Variants in KCND2 observed in about 807,000 individuals in gnomAD.
KCND2 encodes the protein potassium voltage-gated channel subfamily D member 2.
Under a neutral mutation model 54.4 loss-of-function variants are expected in KCND2, and 16 were observed. The observed-to-expected ratio is 0.29, with a 90% confidence interval of 0.20 to 0.45. The LOEUF (loss-of-function observed/expected upper bound fraction) is 0.45, where lower values mean the gene tolerates loss of function less well. KCND2 is among the 20% of genes least tolerant of loss of function. KCND2 has a pLI of 1.00. For missense variants in KCND2, 486 were observed against 824.2 expected, an observed-to-expected ratio of 0.59 and a Z score of 5.02; for synonymous variants, 317 against 310.7, an observed-to-expected ratio of 1.02 and a Z score of -0.21.
At chr7:120,540,476 C>A (rs1422030201) in intron 1 of KCND2, among the ~76,000 whole-genome samples, 1 of 152,074 alleles carries the variant, frequency 6.6e-6, no homozygotes, top group South Asian at 2.1e-4. Context: ...TTCATCATAC[C>A]TTGTTGATAC....
chr7:120,310,175 C>T (rs1354831230), intron 1 of KCND2, among the ~76,000 whole-genome samples: 2 of 152,082 alleles, frequency 1.3e-5, no homozygotes, highest in Non-Finnish European at 2.9e-5. Context: ...ACGTTAGTAA[C>T]ACACAATGTT....
chr7:120,315,998 C>T (rs975872737), intron 1 of KCND2, among the ~76,000 whole-genome samples: 5 of 151,882 alleles, frequency 3.3e-5, no homozygotes, highest in African/African-American at 9.7e-5. Context: ...GGAAAGTATA[C>T]AAAAACAAAT....
chr7:120,624,524 T>C (rs1793141078), intron 1 of KCND2, among the ~76,000 whole-genome samples: 1 of 152,178 alleles, frequency 6.6e-6, no homozygotes, highest in South Asian at 2.1e-4. Context: ...CTCAAACTTA[T>C]AATCTCAGCA....
At chr7:120,365,929 G>T (rs1800671476) in intron 1 of KCND2, among the ~76,000 whole-genome samples, 2 of 152,154 alleles carry the variant, frequency 1.3e-5, no homozygotes, top group Admixed American at 1.3e-4. Flanking sequence ...ATATTTAATA[G>T]ACATTTAAAA....
At chr7:120,685,205 A>G (rs974986119) in intron 1 of KCND2, among the ~76,000 whole-genome samples, 1 of 152,192 alleles carries the variant, frequency 6.6e-6, no homozygotes, top group East Asian at 1.9e-4. Context: ...AACTCTGTAC[A>G]TGCCTAAAAC....
intron 1 of KCND2, 78 bp from the exon 2 acceptor site, chr7:120,732,825 G>A (rs1296707878): frequency 8.1e-7 from 1 of 1,241,980 alleles, no homozygotes; most frequent in Non-Finnish European, 1.2e-6. Flanking sequence ...TTGACTTAAA[G>A]GAAAAAATTC....
chr7:120,535,263 A>G (rs1414991622), intron 1 of KCND2, among the ~76,000 whole-genome samples: 1 of 152,188 alleles, frequency 6.6e-6, no homozygotes, highest in African/African-American at 2.4e-5. Flanking sequence ...TTCAGAACGT[A>G]AGTTTATTCT....
At chr7:120,543,970 A>C (rs1241772386) in intron 1 of KCND2, among the ~76,000 whole-genome samples, 1 of 151,950 alleles carries the variant, frequency 6.6e-6, no homozygotes, top group East Asian at 1.9e-4. Flanking sequence ...ACTAGTCTGG[A>C]AAGTTGTGAG....
At chr7:120,544,420 A>G (rs1792018792) in intron 1 of KCND2, among the ~76,000 whole-genome samples, 1 of 151,976 alleles carries the variant, frequency 6.6e-6, no homozygotes, top group Non-Finnish European at 1.5e-5. Flanking sequence ...ATGGAGTTAT[A>G]AGAAGTACTA....
At chr7:120,289,089 G>C (rs1460641742) in intron 1 of KCND2, among the ~76,000 whole-genome samples, 3 of 149,342 alleles carry the variant, frequency 2.0e-5, no homozygotes, top group African/African-American at 7.5e-5. Flanking sequence ...GAGAGAGAGA[G>C]AGAGACTAGG....
chr7:120,475,489 T>A (rs17787887), intron 1 of KCND2, among the ~76,000 whole-genome samples: 6,133 of 152,110 alleles, frequency 0.04, 191 homozygotes, highest in Non-Finnish European at 0.063. Flanking sequence ...CATCAAGGCA[T>A]TTTTTTTATT....
At chr7:120,746,298 C>A (rs192337280) in intron 5 of KCND2, among the ~76,000 whole-genome samples, 1 of 152,262 alleles carries the variant, frequency 6.6e-6, no homozygotes, top group Non-Finnish European at 1.5e-5. Flanking sequence ...TGTTCCACAA[C>A]CTTTTCTTAT....
intron 1 of KCND2, among the ~76,000 whole-genome samples, chr7:120,482,054 A>G (rs551345134): frequency 1.3e-5 from 2 of 152,286 alleles, no homozygotes; most frequent in Admixed American, 6.5e-5. Context: ...CAGCAAAGCT[A>G]TAGGGGCAGG....
At chr7:120,516,984 A>C (rs2116340745) in intron 1 of KCND2, among the ~76,000 whole-genome samples, 1 of 152,250 alleles carries the variant, frequency 6.6e-6, no homozygotes, top group African/African-American at 2.4e-5. Context: ...ATATTGTCAA[A>C]ATTTTATTTT....
At chr7:120,635,192 C>T (rs1793288915) in intron 1 of KCND2, among the ~76,000 whole-genome samples, 1 of 152,160 alleles carries the variant, frequency 6.6e-6, no homozygotes. Flanking sequence ...AGCTCTGGTG[C>T]CCATTGTGGT....
At chr7:120,653,426 A>C (rs1791762637) in intron 1 of KCND2, among the ~76,000 whole-genome samples, 1 of 152,008 alleles carries the variant, frequency 6.6e-6, no homozygotes, top group South Asian at 2.1e-4. Flanking sequence ...AATCTTAGCA[A>C]CTCTGGGACT....
chr7:120,472,029 A>C (rs1184038650), intron 1 of KCND2, among the ~76,000 whole-genome samples: 1 of 151,884 alleles, frequency 6.6e-6, no homozygotes, highest in Non-Finnish European at 1.5e-5. Flanking sequence ...TTTTAGAAAT[A>C]AAAAGAAAAA....
At chr7:120,365,925 A>G (rs1003373038) in intron 1 of KCND2, among the ~76,000 whole-genome samples, 1 of 152,178 alleles carries the variant, frequency 6.6e-6, no homozygotes. Context: ...TGAGATATTT[A>G]ATAGACATTT....
intron 1 of KCND2, among the ~76,000 whole-genome samples, chr7:120,350,479 A>C (rs1800385505): frequency 6.6e-6 from 1 of 152,138 alleles, no homozygotes; most frequent in Non-Finnish European, 1.5e-5. Flanking sequence ...ATATCCTATG[A>C]TTTGTTTTTA....
Sources: allele counts gnomAD v4.1 joint callset (sites outside exome capture counted in the v4.1 genomes callset), GRCh38; gene constraint gnomAD v4.1.1; transcripts MANE v1.5; gene names NCBI Gene and HGNC (gene_info 2026-07-23, HGNC 2026-07-21).